The following ADAMTS12 variants were observed in gnomAD, a reference collection of about 807,000 sequenced individuals.
The protein encoded by ADAMTS12 is A disintegrin and metalloproteinase with thrombospondin motifs 12.
In ADAMTS12, 118 loss-of-function variants were observed where a neutral mutation model predicts 167.8. That is an observed-to-expected ratio of 0.70 (90% CI 0.61 to 0.82). The LOEUF (loss-of-function observed/expected upper bound fraction) is 0.82. Among genes scored for constraint, ADAMTS12 ranks in the 40% least tolerant of loss-of-function variants. ADAMTS12 has a pLI of 0.00. For synonymous variants in ADAMTS12, 704 were observed against 716.9 expected, an observed-to-expected ratio of 0.98 and a Z score of 0.29; for missense variants, 1,916 against 1,998.8, an observed-to-expected ratio of 0.96 and a Z score of 0.79.
intron 2 of ADAMTS12, among the ~76,000 whole-genome samples, chr5:33,868,266 G>A (rs528503810): frequency 1.3e-5 from 2 of 152,312 alleles, no homozygotes; most frequent in Admixed American, 6.5e-5. Flanking sequence ...AGTGACTTTG[G>A]AACTGGATAA....
intron 2 of ADAMTS12, among the ~76,000 whole-genome samples, chr5:33,774,708 A>G (rs1745856287): frequency 6.6e-6 from 1 of 152,196 alleles, no homozygotes; most frequent in African/African-American, 2.4e-5. Flanking sequence ...GTTAATATTT[A>G]TTGCTTTGTA....
intron 2 of ADAMTS12, among the ~76,000 whole-genome samples, chr5:33,878,969 G>A (rs1750327116): frequency 6.6e-6 from 1 of 152,180 alleles, no homozygotes; most frequent in South Asian, 2.1e-4. Flanking sequence ...TTTCAGACAA[G>A]CAAATCTACA....
chr5:33,627,328 G>C (rs1481628004), intron 13 of ADAMTS12, among the ~76,000 whole-genome samples: 1 of 149,922 alleles, frequency 6.7e-6, no homozygotes, highest in Non-Finnish European at 1.5e-5. Flanking sequence ...GGATGGTTGG[G>C]TGATGGAAGT....
chr5:33,689,057 G>C (rs1006008338), intron 3 of ADAMTS12, among the ~76,000 whole-genome samples: 3 of 152,144 alleles, frequency 2.0e-5, no homozygotes, highest in African/African-American at 7.2e-5. Context: ...CTTCTGCAAG[G>C]TTTCTGAAAC....
At chr5:33,764,393 T>C (rs1745460130) in intron 2 of ADAMTS12, among the ~76,000 whole-genome samples, 1 of 152,240 alleles carries the variant, frequency 6.6e-6, no homozygotes, top group Non-Finnish European at 1.5e-5. Flanking sequence ...AAGATTTCTC[T>C]TCTCATGTTA....
intron 3 of ADAMTS12, among the ~76,000 whole-genome samples, chr5:33,736,283 G>T (rs886665510): frequency 1.3e-5 from 2 of 152,014 alleles, no homozygotes; most frequent in African/African-American, 4.8e-5. Flanking sequence ...GGCTGGTCTC[G>T]AACTCCTGAC....
chr5:33,573,682 A>G (rs545010902), intron 19 of ADAMTS12, among the ~76,000 whole-genome samples: 5 of 152,320 alleles, frequency 3.3e-5, no homozygotes, highest in East Asian at 3.9e-4. Flanking sequence ...GGACATAGGC[A>G]TGGGCAAGGA....
At chr5:33,871,937 G>A (rs1750050659) in intron 2 of ADAMTS12, among the ~76,000 whole-genome samples, 1 of 152,088 alleles carries the variant, frequency 6.6e-6, no homozygotes, top group Non-Finnish European at 1.5e-5. Context: ...ACCACTATAT[G>A]CCCCAATATT....
chr5:33,645,009 C>T lies in ADAMTS12; in HGVS notation c.1480-1539G>A, dbSNP rs540083369. ...CCTCCCAAAGTGCTGGGATTACAGGCGTAAGCCACCGTACCCGGCCTAGGG... is the reference window on the plus strand; with the variant it reads ...CCTCCCAAAGTGCTGGGATTACAGGTGTAAGCCACCGTACCCGGCCTAGGG... On this transcript the variant is annotated intron_variant, in intron 9 of 23. Transcript: ENST00000504830. Among the ~76,000 whole-genome samples the T allele has an allele frequency of 1.5e-3, 224 of 152,188 alleles. 2 individuals carry two copies. Among genetic ancestry groups the T allele is most frequent in the African/African-American group, 4.9e-3 (203 of 41,534 alleles).
rs367685394 is a variant in ADAMTS12 at position 33,683,111 on chromosome 5, G to A, written c.832-10C>T. 71 of 1,604,266 alleles carry A rather than the reference G, an allele frequency of 4.4e-5. No individual in the cohort carries two copies. The highest frequency in any genetic ancestry group is 6.8e-5 in the Admixed American group (4 of 59,194). ...GGAACAACCCAGTGACCTAGGGTCA[G>A]AAATAGAAAACCATTAGCTCCACAC... On this transcript the variant is annotated splice_polypyrimidine_tract_variant and intron_variant, in intron 4 of 23. Transcript: ENST00000504830.
At chr5:33,789,729 T>C (rs1307633862) in intron 2 of ADAMTS12, among the ~76,000 whole-genome samples, 1 of 152,180 alleles carries the variant, frequency 6.6e-6, no homozygotes, top group East Asian at 1.9e-4. Flanking sequence ...TTCTTTAATT[T>C]TGAAATTACT....
chr5:33,609,923 T>C (rs934578036), intron 16 of ADAMTS12, among the ~76,000 whole-genome samples: 7 of 152,178 alleles, frequency 4.6e-5, no homozygotes, highest in Non-Finnish European at 8.8e-5. Flanking sequence ...CTCATGCCTG[T>C]AATTGCAGCA....
chr5:33,771,143 T>C (rs989825202), intron 2 of ADAMTS12, among the ~76,000 whole-genome samples: 3 of 152,246 alleles, frequency 2.0e-5, no homozygotes, highest in Non-Finnish European at 2.9e-5. Context: ...TTCAATCCTA[T>C]ATCTATTAAA....
intron 2 of ADAMTS12, among the ~76,000 whole-genome samples, chr5:33,872,166 C>G (rs747374903): frequency 2.0e-5 from 3 of 152,182 alleles, no homozygotes; most frequent in Non-Finnish European, 4.4e-5. Context: ...TGAAATATCT[C>G]TCAGATGACA....
intron 16 of ADAMTS12, among the ~76,000 whole-genome samples, chr5:33,613,727 G>C (rs1444887971): frequency 6.6e-6 from 1 of 152,164 alleles, no homozygotes; most frequent in African/African-American, 2.4e-5. Context: ...ATCCTGACTA[G>C]TACATGGCAG....
In ADAMTS12 at chr5:33,842,248, C is replaced by T. The variant is rs147488895; in HGVS notation, c.489+38871G>A. On this transcript the variant is annotated intron_variant, in intron 2 of 23. Transcript: ENST00000504830. ...TAATTGGTAATCCTATGCAAAAAAG[C>T]GAAATGTGCTTTCTTCATGCCTTTT... Among the ~76,000 whole-genome samples, 220 of 152,310 alleles carry T rather than the reference C, an allele frequency of 1.4e-3. 1 individual carries two copies. Among genetic ancestry groups the T allele is most frequent in the African/African-American group, 4.9e-3 (203 of 41,574 alleles).
At chr5:33,539,085 G>C (rs1454222175) in intron 22 of ADAMTS12, among the ~76,000 whole-genome samples, 2 of 152,080 alleles carry the variant, frequency 1.3e-5, no homozygotes, top group African/African-American at 4.8e-5. Flanking sequence ...GGGATTACAG[G>C]CATGTACCAC....
Position 33,526,519 on chromosome 5 carries a change from T to C in ADAMTS12, c.*669A>G, listed in dbSNP as rs1210983341. On this transcript the variant is annotated 3_prime_UTR_variant, in exon 24 of 24. Coordinates refer to ENST00000504830, the MANE Select transcript of ADAMTS12 (RefSeq NM_030955.4). ...TAAGTGACCTAAACCCCTTAGGCTG[T>C]GTTTCTTATGCCTGTTTCCTCTTAG... 6.6e-6 allele frequency: 1 copy of C among 152,226 alleles called. No individual in the cohort carries two copies. The highest frequency in any genetic ancestry group is 1.5e-5 in the Non-Finnish European group (1 of 68,050). 9.4% of individuals were successfully genotyped at this position (152,226 alleles called of 1,614,324 possible). A position where few individuals can be genotyped will look rare whatever the true frequency, so the allele number is the denominator to read the frequency against.
rs751706016 is a variant in ADAMTS12, at chr5:33,615,860, T to C, written c.2356A>G (p.Thr786Ala). ...CACACAGACTCATTGGTGGGACCTGTGGCCATCAGCTTTTCCAGGTCTCCT... is the reference window on the plus strand; with the variant it reads ...CACACAGACTCATTGGTGGGACCTGCGGCCATCAGCTTTTCCAGGTCTCCT... Reference protein sequence around the residue: ...RKGDLEKLMATGPTNESVWIQ... With the variant: ...RKGDLEKLMAAGPTNESVWIQ... The change falls in exon 15 of 24, where the codon ACA becomes GCA. Residue 786 changes from threonine to alanine, a missense_variant. By Grantham distance (58) the Thr-to-Ala change is moderately conservative. Transcript: ENST00000504830. The C allele has an allele frequency of 6.2e-7, 1 of 1,614,170 alleles. No individual in the cohort carries two copies. The highest frequency in any genetic ancestry group is 1.7e-5 in the Admixed American group (1 of 60,024).
Sources: gnomAD v4.1 joint callset for allele counts (sites outside exome capture counted in the v4.1 genomes callset) on GRCh38, gnomAD v4.1.1 for gene constraint, MANE v1.5 for transcripts, NCBI Gene and HGNC (gene_info 2026-07-23, HGNC 2026-07-21) for gene names.